AKAP7: variants seen among roughly 807,000 people sequenced by gnomAD.
The protein encoded by AKAP7 is A-kinase anchoring protein 7.
A neutral mutation model predicts 39.5 loss-of-function variants in AKAP7; 39 were observed. That is an observed-to-expected ratio of 0.99 (90% confidence interval 0.76 to 1.29). The LOEUF (loss-of-function observed/expected upper bound fraction) is 1.29. Among genes scored for constraint, AKAP7 ranks in the 50% most tolerant of loss-of-function variants. The pLI is 0.00. For synonymous variants in AKAP7, 140 were observed against 139.1 expected, an observed-to-expected ratio of 1.01 and a Z score of -0.05; for missense variants, 414 against 407.7, an observed-to-expected ratio of 1.02 and a Z score of -0.13.
chr6:131,229,754 T>C (rs566406564), intron 7 of AKAP7, among the ~76,000 whole-genome samples: 2 of 152,206 alleles, frequency 1.3e-5, no homozygotes, highest in Non-Finnish European at 2.9e-5. Context: ...ACTTTTTACA[T>C]ATATACACAT....
chr6:131,145,679 A>G (rs1424403406), intron 2 of AKAP7, among the ~76,000 whole-genome samples: 1 of 152,092 alleles, frequency 6.6e-6, no homozygotes, highest in Non-Finnish European at 1.5e-5. Flanking sequence ...GGTGGGAGGT[A>G]GCTGGGACCA....
intron 7 of AKAP7, among the ~76,000 whole-genome samples, chr6:131,267,334 G>C (rs1294185438): frequency 1.3e-5 from 2 of 152,096 alleles, no homozygotes; most frequent in Non-Finnish European, 2.9e-5. Context: ...TAAAATAATA[G>C]GAATGTTCTG....
chr6:131,240,960 T>A (rs1241616692), intron 7 of AKAP7, among the ~76,000 whole-genome samples: 4 of 152,132 alleles, frequency 2.6e-5, no homozygotes, highest in Non-Finnish European at 5.9e-5. Context: ...CCCAGTGAGA[T>A]GAACCCAGTT....
At chr6:131,163,829 A>G (rs2128240249) in intron 3 of AKAP7, among the ~76,000 whole-genome samples, 1 of 152,026 alleles carries the variant, frequency 6.6e-6, no homozygotes, top group East Asian at 1.9e-4. Context: ...AGGTGAGCTC[A>G]GATATGGAGG....
At chr6:131,217,198 A>G (rs1809267285) in intron 6 of AKAP7, among the ~76,000 whole-genome samples, 1 of 152,118 alleles carries the variant, frequency 6.6e-6, no homozygotes, top group Non-Finnish European at 1.5e-5. Flanking sequence ...TGCTTCTGAA[A>G]CTATTTTGCC....
At chr6:131,208,100 G>T (rs932382221) in intron 6 of AKAP7, among the ~76,000 whole-genome samples, 1 of 152,024 alleles carries the variant, frequency 6.6e-6, no homozygotes, top group African/African-American at 2.4e-5. Context: ...TCATGAGGTA[G>T]AATGTAATTT....
chr6:131,184,139 G>C (rs755385436), intron 5 of AKAP7, among the ~76,000 whole-genome samples: 1 of 152,214 alleles, frequency 6.6e-6, no homozygotes, highest in Non-Finnish European at 1.5e-5. Context: ...CTCCTTGAGG[G>C]CCTAGGGCCA....
chr6:131,237,334 T>A (rs1234144679), intron 7 of AKAP7, among the ~76,000 whole-genome samples: 1 of 152,138 alleles, frequency 6.6e-6, no homozygotes, highest in African/African-American at 2.4e-5. Context: ...ATTTTTGCAT[T>A]GATATTCATC....
chr6:131,261,042 CAA>C (rs200684325), intron 7 of AKAP7, among the ~76,000 whole-genome samples: 1,761 of 152,000 alleles, frequency 0.012, 29 homozygotes, highest in African/African-American at 0.04. Flanking sequence ...ACTAAAAATA[CAA>C]AGTTAGCTGG....
At chr6:131,146,118 G>A (rs1562861769) in intron 2 of AKAP7, among the ~76,000 whole-genome samples, 1 of 152,168 alleles carries the variant, frequency 6.6e-6, no homozygotes, top group Non-Finnish European at 1.5e-5. Context: ...GCTAGGCATT[G>A]AGAGGGTCCA....
At chr6:131,144,845 A>T (rs1380238626) in intron 1 of AKAP7, among the ~76,000 whole-genome samples, 1 of 152,218 alleles carries the variant, frequency 6.6e-6, no homozygotes, top group Non-Finnish European at 1.5e-5. Flanking sequence ...AAACAACTTA[A>T]AAGTCTTTAT....
chr6:131,265,752 T>G (rs904207586), intron 7 of AKAP7, among the ~76,000 whole-genome samples: 2 of 152,188 alleles, frequency 1.3e-5, no homozygotes, highest in African/African-American at 4.8e-5. Context: ...AGGTCTACAT[T>G]TCACTTTGTC....
At chr6:131,127,447 G>A in the AKAP7 span, among the ~76,000 whole-genome samples, 1 of 152,092 alleles carries the variant, frequency 6.6e-6, no homozygotes, top group Admixed American at 6.5e-5. Flanking sequence ...AAGTTCAGAA[G>A]TAAAGAAGTA....
chr6:131,172,491 G>T (rs1017956137), intron 5 of AKAP7, among the ~76,000 whole-genome samples: 1 of 151,914 alleles, frequency 6.6e-6, no homozygotes, highest in African/African-American at 2.4e-5. Context: ...TGCCACCATG[G>T]CCAGCTAATT....
At chr6:131,135,454 G>C (rs1166018048), upstream of AKAP7, among the ~76,000 whole-genome samples, 4 of 151,776 alleles carry the variant, frequency 2.6e-5, no homozygotes, top group Admixed American at 2.0e-4. Context: ...CCGGCGACTC[G>C]GGTCGGCCCC....
At position 131,232,883 on chromosome 6, in the gene AKAP7, G is replaced by A. The variant is rs541855866; in HGVS notation, c.850+13075G>A. ...GCAATGGTATTATTTCCTAACATCA[G>A]AACATCAGTTTTCTATTATTTATTA... On this transcript the variant is annotated intron_variant, in intron 7 of 7. Transcript: ENST00000431975. 8.6e-5 allele frequency among the ~76,000 whole-genome samples: 13 copies of A among 151,144 alleles called. No homozygotes were observed. The South Asian group carries it at 2.7e-3, about 31-fold the overall frequency.
intron 5 of AKAP7, chr6:131,184,967 A>G (rs1805684834): frequency 2.6e-6 from 2 of 779,030 alleles, no homozygotes; most frequent in Admixed American, 3.5e-5. Flanking sequence ...GATGCTTGGG[A>G]GCATCTTCAC....
chr6:131,272,270 A>T (rs1814347174), intron 7 of AKAP7, among the ~76,000 whole-genome samples: 1 of 152,056 alleles, frequency 6.6e-6, no homozygotes, highest in Non-Finnish European at 1.5e-5. Flanking sequence ...GTTTCTGATC[A>T]GTCTGGATAC....
At chr6:131,198,626 T>C (rs1205352796) in intron 5 of AKAP7, among the ~76,000 whole-genome samples, 1 of 152,068 alleles carries the variant, frequency 6.6e-6, no homozygotes, top group Non-Finnish European at 1.5e-5. Flanking sequence ...AATCTTGGGG[T>C]TTTCCAGTCT....
Sources: allele counts gnomAD v4.1 joint callset (sites outside exome capture counted in the v4.1 genomes callset), GRCh38; gene constraint gnomAD v4.1.1; transcripts MANE v1.5; gene names NCBI Gene and HGNC (gene_info 2026-07-23, HGNC 2026-07-21).